RANBP3: variants seen among roughly 807,000 people sequenced by gnomAD.
The protein encoded by RANBP3 is RAN binding protein 3.
Under a neutral mutation model 77.3 loss-of-function variants are expected in RANBP3, and 14 were observed. The observed-to-expected ratio is 0.18, with a 90% confidence interval of 0.12 to 0.28. RANBP3 has a LOEUF of 0.28. RANBP3 is among the 10% of genes least tolerant of loss of function. The probability of loss-of-function intolerance (pLI) is 1.00; values close to 1 mark genes in which losing one functional copy is unlikely to be tolerated. For missense variants in RANBP3, 586 were observed against 752.3 expected (o/e 0.78, Z 2.59); for synonymous variants, 315 against 312.4 (o/e 1.01, Z -0.09).
intron 9 of RANBP3, 139 bp from the exon 10 acceptor site, chr19:5,925,876 C>G (rs896096801): frequency 1.5e-6 from 1 of 671,404 alleles, no homozygotes; most frequent in Non-Finnish European, 2.7e-6. Context: ...TGTGTGTGTG[C>G]GCGTGCATGT....
At chr19:5,951,744 T>C (rs1182520746) in intron 2 of RANBP3, 148 bp from the exon 3 acceptor site, 2 of 725,026 alleles carry the variant, frequency 2.8e-6, no homozygotes, top group Non-Finnish European at 4.6e-6. Context: ...AGGCACCTGC[T>C]TCTGGGTTCT....
At chr19:5,942,863 C>A (rs1230120206) in intron 3 of RANBP3, among the ~76,000 whole-genome samples, 2 of 151,982 alleles carry the variant, frequency 1.3e-5, no homozygotes, top group East Asian at 3.9e-4. Context: ...TTATAAAAAA[C>A]CCAACCACAT....
intron 8 of RANBP3, among the ~76,000 whole-genome samples, chr19:5,930,536 C>T (rs1599734197): frequency 6.6e-6 from 1 of 152,196 alleles, no homozygotes; most frequent in Admixed American, 6.5e-5. Flanking sequence ...AAGCTTTTGG[C>T]CCATATAATC....
Position 5,941,675 on chromosome 19 carries a change from G to A in RANBP3, c.352C>T (p.Pro118Ser). ...GAGGATGTTCTTTCTCGCTTGACAG[G>A]AGGGCAGTAATTTCCATCTTCTCTG... The part of the protein sequence containing the change: ...SDREDGNYCP[P>S]VKRERTSSLT... The change falls in exon 5 of 17, where the codon CCT becomes TCT. Residue 118 changes from proline to serine, a missense_variant. Pro to Ser is a moderately conservative substitution (Grantham distance 74, BLOSUM62 -1). This residue lies in a region of RANBP3 where 172 missense variants were observed against 183.4 expected (regional missense o/e 0.94). Transcript: ENST00000340578. 1 of 1,613,920 alleles carries A rather than the reference G, an allele frequency of 6.2e-7. No individual in the cohort carries two copies. The highest frequency in any genetic ancestry group is 8.5e-7 in the Non-Finnish European group (1 of 1,179,946).
intron 1 of RANBP3, among the ~76,000 whole-genome samples, chr19:5,967,671 T>C (rs1408918230): frequency 6.6e-6 from 1 of 151,970 alleles, no homozygotes; most frequent in Non-Finnish European, 1.5e-5. Flanking sequence ...GGGGCAGAAC[T>C]TGCACTTCTG....
Position 5,917,506 on chromosome 19 carries a change from G to A in RANBP3, c.*104C>T. 1 of 1,338,386 alleles carries A rather than the reference G, an allele frequency of 7.5e-7. No individual in the cohort carries two copies. The highest frequency in any genetic ancestry group is 2.6e-4 in the Middle Eastern group (1 of 3,812). The allele number at this position is 1,338,386 out of a possible 1,614,324, so 82.9% of individuals were successfully genotyped here. A position where few individuals can be genotyped will look rare whatever the true frequency, so the allele number is the denominator to read the frequency against. On this transcript the variant is annotated 3_prime_UTR_variant, in exon 17 of 17. Coordinates refer to ENST00000340578, the MANE Select transcript of RANBP3 (RefSeq NM_007322.3). ...CTGTGGCCGGCCCAGTGGGGTGTGT[G>A]GTTCCCGGCCCCGCACCTGGACGCT...
chr19:5,946,391 G>T (rs2058205355), intron 3 of RANBP3, among the ~76,000 whole-genome samples: 1 of 152,154 alleles, frequency 6.6e-6, no homozygotes, highest in South Asian at 2.1e-4. Flanking sequence ...GATGCTGCCT[G>T]ACCCCTGATC....
chr19:5,921,273 C>G lies in RANBP3; in HGVS notation c.1258G>C (p.Glu420Gln). 6.2e-7 allele frequency: 1 copy of G among 1,613,880 alleles called. No homozygotes were observed. The highest frequency in any genetic ancestry group is 8.5e-7 in the Non-Finnish European group (1 of 1,179,984). ...VFDKTSQSWV[E>Q]RGRGLLRLND... ...AGTCTGAGCAGCCCCCGGCCTCTCT[C>G]CACCCAGGACTGTGAGGTCTTGTCA... is the stretch of plus-strand genomic sequence containing the variant. The change falls in exon 14 of 17, where the codon GAG (glutamate) becomes CAG (glutamine). Residue 420 changes from glutamate (E) to glutamine (Q), a missense_variant. Glu to Gln is a conservative substitution (Grantham distance 29). Transcript: ENST00000340578. This position sits in a 1 kb window ranked among gnomAD's most constrained non-coding sequence, Gnocchi z 5.3.
intron 1 of RANBP3, among the ~76,000 whole-genome samples, chr19:5,971,083 G>A (rs1230313212): frequency 6.6e-6 from 1 of 152,160 alleles, no homozygotes; most frequent in Non-Finnish European, 1.5e-5. Context: ...CCTTTTCCAC[G>A]CTTGTCAATG....
At position 5,932,639 on chromosome 19, in the gene RANBP3, T is replaced by C. The variant is rs1238751233; in HGVS notation, c.473-95A>G. On this transcript the variant is annotated intron_variant, in intron 6 of 16. Transcript: ENST00000340578. ...CCCCTGGCATCCCATTTCATGCCCC[T>C]TGCAGGCTAGACTTTGCAGGGAAGC... The C allele has an allele frequency of 4.1e-6, 4 of 967,216 alleles. No homozygotes were observed. The African/African-American group carries it at 4.9e-5, about 12-fold the overall frequency. The allele number at this position is 967,216 out of a possible 1,614,324, so 59.9% of individuals were successfully genotyped here. A position where few individuals can be genotyped will look rare whatever the true frequency, so the allele number is the denominator to read the frequency against.
intron 2 of RANBP3, 77 bp downstream of exon 2, chr19:5,957,841 A>C (rs2058353524): frequency 3.9e-6 from 6 of 1,540,438 alleles, no homozygotes; most frequent in African/African-American, 1.4e-5. Context: ...TGGCAATGCG[A>C]CCTGGAAAAG....
intron 5 of RANBP3, among the ~76,000 whole-genome samples, chr19:5,936,432 CA>C (rs2058065790): frequency 2.6e-5 from 4 of 152,060 alleles, no homozygotes; most frequent in Admixed American, 2.0e-4. Context: ...TGCAGGCAGG[CA>C]GGCAGGCAGA....
intron 14 of RANBP3, chr19:5,920,875 C>T (rs2057808985): frequency 5.1e-6 from 1 of 195,574 alleles, no homozygotes; most frequent in African/African-American, 2.3e-5. Context: ...AGAGATTAGA[C>T]TTGATGTTTG....
At chr19:5,931,624 AG>A in intron 7 of RANBP3, 93 bp from the exon 8 acceptor site, 1 of 1,393,524 alleles carries the variant, frequency 7.2e-7, no homozygotes. Context: ...CGTCTAGTCT[AG>A]GGCCCCTCCC....
intron 8 of RANBP3, among the ~76,000 whole-genome samples, chr19:5,929,572 A>T (rs150239397): frequency 5.5e-4 from 83 of 152,232 alleles, no homozygotes; most frequent in African/African-American, 2.0e-3. Context: ...CCAGTCTGAG[A>T]CTCTGTGTGT....
chr19:5,941,581 CAT>C, intron 5 of RANBP3, 38 bp downstream of exon 5: 2 of 1,537,462 alleles, frequency 1.3e-6, no homozygotes, highest in Non-Finnish European at 1.8e-6. Flanking sequence ...GGTTTGTAAG[CAT>C]AAACGCTTTC....
chr19:5,943,643 C>T (rs2058167409), intron 3 of RANBP3, among the ~76,000 whole-genome samples: 1 of 152,268 alleles, frequency 6.6e-6, no homozygotes, highest in East Asian at 1.9e-4. Flanking sequence ...GAGCTGACAA[C>T]ATGGGTTTGT....
chr19:5,930,579 CT>C (rs1011001750), intron 8 of RANBP3, among the ~76,000 whole-genome samples: 1 of 152,140 alleles, frequency 6.6e-6, no homozygotes, highest in Non-Finnish European at 1.5e-5. Flanking sequence ...GGAACTATTT[CT>C]TTTTTTAAGG....
intron 5 of RANBP3, among the ~76,000 whole-genome samples, chr19:5,936,877 C>T (rs960444584): frequency 6.6e-6 from 1 of 151,720 alleles, no homozygotes; most frequent in East Asian, 1.9e-4. Flanking sequence ...CAGTGAACAC[C>T]ACTAATCAAC....
Sources: allele counts gnomAD v4.1 joint callset (sites outside exome capture counted in the v4.1 genomes callset), GRCh38; gene constraint gnomAD v4.1.1; regional missense constraint gnomAD v4.1.1; non-coding constraint Gnocchi (gnomAD v3.1); transcripts MANE v1.5; gene names NCBI Gene and HGNC (gene_info 2026-07-23, HGNC 2026-07-21).